Variants in PDE4D observed in about 807,000 individuals in gnomAD.
The protein encoded by PDE4D is phosphodiesterase 4D.
In PDE4D, 24 loss-of-function variants were observed where a neutral mutation model predicts 87.4. That is an observed-to-expected ratio of 0.27 (90% CI 0.20 to 0.39). PDE4D has a LOEUF of 0.39. Ranked by LOEUF, PDE4D falls within the 10% of genes least tolerant of loss-of-function variation. The probability of loss-of-function intolerance (pLI) is 1.00; values close to 1 mark genes in which losing one functional copy is unlikely to be tolerated. For synonymous variants in PDE4D, 384 were observed against 383.2 expected, an observed-to-expected ratio of 1.00 and a Z score of -0.02; for missense variants, 714 against 1,041.0, an observed-to-expected ratio of 0.69 and a Z score of 4.32.
intron 1 of PDE4D, chr5:60,460,257 A>T (rs1746820463): frequency 9.0e-7 from 1 of 1,110,278 alleles, no homozygotes; most frequent in African/African-American, 1.5e-5. Context: ...AAGATGGATC[A>T]CCACTCTCAT....
At chr5:59,632,995 G>A (rs1376586954) in intron 1 of PDE4D, among the ~76,000 whole-genome samples, 1 of 152,124 alleles carries the variant, frequency 6.6e-6, no homozygotes, top group Non-Finnish European at 1.5e-5. Context: ...TTGATAAAAG[G>A]TTAGTGGAAT....
intron 1 of PDE4D, among the ~76,000 whole-genome samples, chr5:59,554,327 A>G (rs984330284): frequency 6.6e-6 from 1 of 152,138 alleles, no homozygotes; most frequent in African/African-American, 2.4e-5. Flanking sequence ...CACTTTATAA[A>G]GTAAGTATCA....
chr5:59,902,423 C>G (rs1368478218), intron 3 of PDE4D, among the ~76,000 whole-genome samples: 3 of 151,864 alleles, frequency 2.0e-5, no homozygotes, highest in Admixed American at 2.0e-4. Flanking sequence ...ACTTACATAG[C>G]AAGATTTTAG....
intron 3 of PDE4D, among the ~76,000 whole-genome samples, chr5:59,965,907 G>C (rs1052619496): frequency 6.6e-5 from 10 of 152,124 alleles, no homozygotes; most frequent in African/African-American, 2.4e-4. Flanking sequence ...GGCAGCATTT[G>C]GCCCACAGGC....
chr5:59,781,359 G>T (rs1333250009), intron 1 of PDE4D, among the ~76,000 whole-genome samples: 1 of 152,082 alleles, frequency 6.6e-6, no homozygotes, highest in African/African-American at 2.4e-5. Flanking sequence ...TTTCTTTGCT[G>T]CATCTGGAAA....
chr5:59,869,735 C>T (rs889348501), intron 1 of PDE4D, among the ~76,000 whole-genome samples: 1 of 152,134 alleles, frequency 6.6e-6, no homozygotes, highest in Non-Finnish European at 1.5e-5. Context: ...TGGAATATAA[C>T]ATTTCAGGTC....
chr5:59,862,073 C>A (rs1746359847), intron 1 of PDE4D, among the ~76,000 whole-genome samples: 1 of 152,144 alleles, frequency 6.6e-6, no homozygotes, highest in African/African-American at 2.4e-5. Flanking sequence ...CTCAACACCA[C>A]CCTCCAATCA....
At chr5:59,574,008 ATAT>A (rs1822358721) in intron 1 of PDE4D, among the ~76,000 whole-genome samples, 6 of 97,482 alleles carry the variant, frequency 6.2e-5, no homozygotes, top group Non-Finnish European at 8.4e-5. Flanking sequence ...AAAAAAAAAT[ATAT>A]ATATATATAT....
Position 59,039,138 on chromosome 5 carries a change from G to A in PDE4D, c.809-167C>T, listed in dbSNP as rs548286142. The A allele has an allele frequency of 1.1e-4, 149 of 1,363,230 alleles. No individual in the cohort carries two copies. In the African/African-American group the frequency reaches 2.0e-3, roughly 18 times the overall value. 84.4% of individuals were successfully genotyped at this position (1,363,230 alleles called of 1,614,324 possible). On this transcript the variant is annotated intron_variant, in intron 5 of 14. Transcript: ENST00000340635. ...CCAGCCCGGCAGTGCAACGGGGGCG[G>A]AGGCTGTGCTCGCGGGGCGGCCGGC...
intron 2 of PDE4D, among the ~76,000 whole-genome samples, chr5:60,130,579 G>T (rs966977701): frequency 6.6e-6 from 1 of 152,112 alleles, no homozygotes; most frequent in African/African-American, 2.4e-5. Flanking sequence ...AAAGTCATAG[G>T]CAGGATGGCA....
chr5:59,239,465 C>G (rs1757203155), intron 1 of PDE4D, among the ~76,000 whole-genome samples: 1 of 152,158 alleles, frequency 6.6e-6, no homozygotes, highest in Non-Finnish European at 1.5e-5. Context: ...TGCCACTATT[C>G]TACAGGCCTT....
At chr5:59,920,459 C>T (rs549755337) in intron 3 of PDE4D, among the ~76,000 whole-genome samples, 1 of 152,210 alleles carries the variant, frequency 6.6e-6, no homozygotes, top group East Asian at 1.9e-4. Flanking sequence ...TTTATATTTG[C>T]AGCTAAAAAT....
intron 1 of PDE4D, among the ~76,000 whole-genome samples, chr5:60,223,718 G>A (rs1038564713): frequency 3.3e-5 from 5 of 152,034 alleles, no homozygotes; most frequent in Admixed American, 3.3e-4. Flanking sequence ...TTGGCTTACC[G>A]GCTGTACTTC....
chr5:60,223,289 T>C (rs144167584), intron 1 of PDE4D, among the ~76,000 whole-genome samples: 12 of 152,250 alleles, frequency 7.9e-5, no homozygotes, highest in African/African-American at 2.6e-4. Context: ...TAATTAACAG[T>C]ATAAACATAC....
intron 1 of PDE4D, among the ~76,000 whole-genome samples, chr5:59,239,571 A>G (rs1383968753): frequency 6.6e-6 from 1 of 152,180 alleles, no homozygotes; most frequent in Admixed American, 6.6e-5. Context: ...GATTTTTATT[A>G]CTATGCCGGA....
At chr5:60,011,506 C>T (rs140891790) in intron 2 of PDE4D, among the ~76,000 whole-genome samples, 20 of 152,180 alleles carry the variant, frequency 1.3e-4, no homozygotes, top group East Asian at 1.2e-3. Flanking sequence ...TTTGTAACAA[C>T]GTTTACTTCT....
chr5:60,458,693 G>A (rs536811184), intron 1 of PDE4D, among the ~76,000 whole-genome samples: 1 of 152,172 alleles, frequency 6.6e-6, no homozygotes, highest in South Asian at 2.1e-4. Context: ...GTTTCCAATA[G>A]TGTAAAGGAG....
intron 8 of PDE4D, 42 bp from the exon 9 acceptor site, chr5:58,990,944 T>C: frequency 9.0e-7 from 1 of 1,115,632 alleles, no homozygotes; most frequent in Non-Finnish European, 1.3e-6. Flanking sequence ...TATTAGAAAG[T>C]GGAGTAAAAT....
At chr5:60,087,593 T>C (rs1021937156) in intron 2 of PDE4D, among the ~76,000 whole-genome samples, 1 of 151,664 alleles carries the variant, frequency 6.6e-6, no homozygotes, top group Non-Finnish European at 1.5e-5. Context: ...GCAAGCAATA[T>C]AATAACTGAA....
Sources: gnomAD v4.1 joint callset for allele counts (sites outside exome capture counted in the v4.1 genomes callset) on GRCh38, gnomAD v4.1.1 for gene constraint, MANE v1.5 for transcripts, NCBI Gene and HGNC (gene_info 2026-07-23, HGNC 2026-07-21) for gene names.